Variants in RANBP2 observed in about 807,000 individuals in gnomAD.
RANBP2 encodes the protein RAN binding protein 2.
RANBP2 carries 57 observed loss-of-function variants against 303.6 expected under a neutral mutation model. The observed-to-expected ratio is 0.19, with a 90% confidence interval of 0.15 to 0.23. The LOEUF is 0.23. RANBP2 is among the 10% of genes least tolerant of loss of function. The pLI, the probability that RANBP2 is intolerant of heterozygous loss-of-function variation, is 1.00. For synonymous variants in RANBP2, 1,167 were observed against 1,301.5 expected, an observed-to-expected ratio of 0.90 and a Z score of 2.23; for missense variants, 3,138 against 3,780.8, an observed-to-expected ratio of 0.83 and a Z score of 4.46.
the RANBP2 span, among the ~76,000 whole-genome samples, chr2:109,340,418 C>T: frequency 1.3e-5 from 2 of 152,316 alleles, no homozygotes; most frequent in South Asian, 2.1e-4. Flanking sequence ...GCACATACCT[C>T]AACCCTGAGG....
chr2:108,730,848 T>C lies in RANBP2; in HGVS notation c.215T>C (p.Leu72Ser). Residue 72 changes from leucine to serine, a missense_variant, in exon 3 of 29, where the codon TTG (leucine) becomes TCG (serine). Physicochemically the swap from Leu to Ser is moderately radical, Grantham distance 145. Coordinates refer to ENST00000283195, the MANE Select transcript of RANBP2 (RefSeq NM_006267.5). ...AHRFLGLLYE[L>S]EENTDKAVEC... ...AGATTTCTGGGTCTTCTTTATGAAT[T>C]GGAAGAAAACACAGACAAAGCCGTT... 6.2e-7 allele frequency: 1 copy of C among 1,611,674 alleles called. No individual in the cohort carries two copies. Among genetic ancestry groups the C allele is most frequent in the East Asian group, 2.2e-5 (1 of 44,788 alleles).
chr2:108,950,607 G>T, the RANBP2 span, among the ~76,000 whole-genome samples: 2 of 152,202 alleles, frequency 1.3e-5, no homozygotes, highest in African/African-American at 4.8e-5. Context: ...ACACCACAAA[G>T]CTCCAAGTCT....
chr2:109,114,425 T>TTTATTTGCCTA, the RANBP2 span, among the ~76,000 whole-genome samples: 1 of 152,188 alleles, frequency 6.6e-6, no homozygotes, highest in East Asian at 1.9e-4. Context: ...TGCCTAGAGG[T>TTTATTTGCCTA]GTTTGTAGTA....
the RANBP2 span, among the ~76,000 whole-genome samples, chr2:109,679,459 G>A: frequency 6.6e-6 from 1 of 152,218 alleles, no homozygotes; most frequent in Non-Finnish European, 1.5e-5. Context: ...CATTGTCTAT[G>A]AAAGTTGAAC....
chr2:109,481,218 G>A, the RANBP2 span, among the ~76,000 whole-genome samples: 6 of 152,212 alleles, frequency 3.9e-5, no homozygotes, highest in African/African-American at 1.4e-4. Context: ...GTCAGGTTGG[G>A]TGGCGAGGGT....
At chr2:109,430,889 G>A in the RANBP2 span, among the ~76,000 whole-genome samples, 1 of 152,174 alleles carries the variant, frequency 6.6e-6, no homozygotes, top group East Asian at 1.9e-4. Context: ...GGAGCCCACA[G>A]CATGTCCCTA....
the RANBP2 span, among the ~76,000 whole-genome samples, chr2:109,735,954 G>T: frequency 1.3e-5 from 2 of 152,164 alleles, no homozygotes; most frequent in Non-Finnish European, 2.9e-5. Context: ...GTTCAACTCA[G>T]TCCACAGAGC....
the RANBP2 span, among the ~76,000 whole-genome samples, chr2:109,064,674 T>C: frequency 6.6e-6 from 1 of 152,170 alleles, no homozygotes; most frequent in African/African-American, 2.4e-5. Flanking sequence ...AACAGATACA[T>C]GGAGCCAAAT....
At chr2:109,289,326 T>C in the RANBP2 span, among the ~76,000 whole-genome samples, 20 of 151,684 alleles carry the variant, frequency 1.3e-4, no homozygotes, top group Non-Finnish European at 2.4e-4. Flanking sequence ...TCACATCCCA[T>C]GCTCCCACAC....
At chr2:108,907,428 C>T in the RANBP2 span, among the ~76,000 whole-genome samples, 1 of 152,014 alleles carries the variant, frequency 6.6e-6, no homozygotes, top group East Asian at 1.9e-4. Context: ...GGTGGATTGC[C>T]TGAACTCAGG....
At chr2:109,512,060 T>C in the RANBP2 span, among the ~76,000 whole-genome samples, 1 of 152,162 alleles carries the variant, frequency 6.6e-6, no homozygotes, top group Non-Finnish European at 1.5e-5. Context: ...TCCCATCATG[T>C]GTGATAATAA....
chr2:109,381,600 T>A, the RANBP2 span, among the ~76,000 whole-genome samples: 1 of 151,870 alleles, frequency 6.6e-6, no homozygotes, highest in African/African-American at 2.4e-5. Flanking sequence ...CTTCTACCTT[T>A]CCTGCTTGAG....
In RANBP2 at chr2:108,766,240, G is replaced by T; in HGVS notation, c.5701G>T (p.Gly1901Cys). The change falls in exon 20 of 29, where the codon GGC becomes TGC. Residue 1901 changes from glycine to cysteine, a missense_variant. Around this residue, in one of 20 missense-constraint regions of RANBP2, gnomAD observed 348 missense variants for 360.4 expected, o/e 0.97. Coordinates refer to ENST00000283195, the MANE Select transcript of RANBP2 (RefSeq NM_006267.5). ...IPVSADGFKF[G>C]ISEPGNQEKK... ...TGTGTCTGCTGATGGATTTAAATTTGGCATTTCGGAACCAGGAAATCAAGA... is the reference window on the plus strand; with the variant it reads ...TGTGTCTGCTGATGGATTTAAATTTTGCATTTCGGAACCAGGAAATCAAGA... The T allele has an allele frequency of 6.2e-7, 1 of 1,612,122 alleles. No individual in the cohort carries two copies. The highest frequency in any genetic ancestry group is 1.1e-5 in the South Asian group (1 of 90,980).
the RANBP2 span, among the ~76,000 whole-genome samples, chr2:108,849,332 A>C: frequency 6.6e-6 from 1 of 152,150 alleles, no homozygotes; most frequent in Admixed American, 6.5e-5. Context: ...TATGGTGAAA[A>C]CTATAAACAC....
the RANBP2 span, among the ~76,000 whole-genome samples, chr2:109,272,472 G>A: frequency 6.6e-6 from 1 of 152,212 alleles, no homozygotes; most frequent in African/African-American, 2.4e-5. Context: ...CTGGTGTGTG[G>A]GACGCAGGGA....
chr2:108,724,043 T>A (rs1156760432), intron 1 of RANBP2, among the ~76,000 whole-genome samples: 1 of 152,220 alleles, frequency 6.6e-6, no homozygotes, highest in Non-Finnish European at 1.5e-5. Context: ...ATTCCTTTCA[T>A]CTTTTTTCTG....
At chr2:109,204,333 C>G in the RANBP2 span, among the ~76,000 whole-genome samples, 627 of 152,312 alleles carry the variant, frequency 4.1e-3, 2 homozygotes, top group African/African-American at 0.015. Flanking sequence ...ATCCTGTTAT[C>G]TCACCTAAGA....
At chr2:109,210,748 A>G in the RANBP2 span, among the ~76,000 whole-genome samples, 1 of 152,224 alleles carries the variant, frequency 6.6e-6, no homozygotes, top group Non-Finnish European at 1.5e-5. Flanking sequence ...GAGGAAAGGG[A>G]GAAATGCTGT....
chr2:109,193,050 A>T, the RANBP2 span, among the ~76,000 whole-genome samples: 1 of 152,226 alleles, frequency 6.6e-6, no homozygotes, highest in African/African-American at 2.4e-5. Flanking sequence ...TCAATGTGCC[A>T]AGAAATTACT....
Sources: gnomAD v4.1 joint callset for allele counts (sites outside exome capture counted in the v4.1 genomes callset) on GRCh38, gnomAD v4.1.1 for gene constraint, gnomAD v4.1.1 regional missense constraint, MANE v1.5 for transcripts, NCBI Gene and HGNC (gene_info 2026-07-23, HGNC 2026-07-21) for gene names.